OSBPL3: variants seen among roughly 807,000 people sequenced by gnomAD.
OSBPL3 encodes oxysterol binding protein like 3.
A neutral mutation model predicts 120.1 loss-of-function variants in OSBPL3; 65 were observed. The observed-to-expected ratio is 0.54, with a 90% CI of 0.44 to 0.67. OSBPL3 has a LOEUF of 0.67. Among genes scored for constraint, OSBPL3 ranks in the 30% least tolerant of loss-of-function variants. The pLI, the probability that OSBPL3 is intolerant of heterozygous loss-of-function variation, is 0.00. For missense variants in OSBPL3, 1,004 were observed against 1,082.1 expected (o/e 0.93, Z 1.01); for synonymous variants, 416 against 402.6 (o/e 1.03, Z -0.40).
At chr7:24,901,383 G>A (rs1005518095) in intron 1 of OSBPL3, among the ~76,000 whole-genome samples, 2 of 151,056 alleles carry the variant, frequency 1.3e-5, no homozygotes, top group African/African-American at 4.9e-5. Flanking sequence ...GAGTTGGTAA[G>A]ACAGATCTAA....
chr7:24,945,245 AATTC>A (rs1205020089), intron 1 of OSBPL3, among the ~76,000 whole-genome samples: 1 of 152,132 alleles, frequency 6.6e-6, no homozygotes, highest in Non-Finnish European at 1.5e-5. Flanking sequence ...ATCTCCATTT[AATTC>A]ATTCATTCTC....
rs1812006571 is a variant in OSBPL3, at chr7:24,933,247, C to T, written c.-149-40626G>A. On this transcript the variant is annotated intron_variant, in intron 1 of 22. Coordinates refer to ENST00000313367, the MANE Select transcript of OSBPL3 (RefSeq NM_015550.4). This position sits in a 1 kb window ranked among gnomAD's most constrained non-coding sequence, Gnocchi z 5.1. Reference sequence around the variant, plus strand: ...GAGAAAAGATCATGAGTACCACCTGCAAACTCCCAAAAAGGCAGTCAAATA... The same window carrying T: ...GAGAAAAGATCATGAGTACCACCTGTAAACTCCCAAAAAGGCAGTCAAATA... Among the ~76,000 whole-genome samples, 8 of 152,252 alleles carry T rather than the reference C, an allele frequency of 5.3e-5. No homozygotes were observed. The South Asian group carries it at 1.7e-3, about 32-fold the overall frequency.
intron 2 of OSBPL3, among the ~76,000 whole-genome samples, chr7:24,882,475 A>G (rs1410537653): frequency 6.6e-6 from 1 of 152,182 alleles, no homozygotes; most frequent in Non-Finnish European, 1.5e-5. Context: ...ATGTGTGTAT[A>G]TATTTTCGTC....
At chr7:24,943,258 G>A (rs761421593) in intron 1 of OSBPL3, among the ~76,000 whole-genome samples, 1 of 152,094 alleles carries the variant, frequency 6.6e-6, no homozygotes, top group African/African-American at 2.4e-5. Context: ...CCATGCTGAC[G>A]AATCTGACCC....
Position 24,815,037 on chromosome 7 carries a change from C to T in OSBPL3, c.2172+22G>A. On this transcript the variant is annotated intron_variant, in intron 19 of 22. Coordinates refer to ENST00000313367, the MANE Select transcript of OSBPL3 (RefSeq NM_015550.4). The surrounding 1 kb of genome is among the most constrained non-coding windows in gnomAD (Gnocchi z 5.1). ...TGCCACAGCCCTTCCAGGGTCAGAG[C>T]TCAGAGAGTCACTGGAGTTACCTTT... 4 of 1,613,202 alleles carry T rather than the reference C, an allele frequency of 2.5e-6. No individual in the cohort carries two copies. In the South Asian group the frequency reaches 3.3e-5, roughly 13 times the overall value.
At chr7:24,870,415 G>C (rs4722396) in intron 5 of OSBPL3, among the ~76,000 whole-genome samples, 19,152 of 152,234 alleles carry the variant, frequency 0.13, 1,884 homozygotes, top group East Asian at 0.53. Flanking sequence ...ATGGTAAATG[G>C]TTCTTCACTA....
chr7:24,980,956 T>C (rs1424394083), upstream of OSBPL3, among the ~76,000 whole-genome samples: 1 of 151,628 alleles, frequency 6.6e-6, no homozygotes, highest in Non-Finnish European at 1.5e-5. Context: ...CAGCTGATGG[T>C]TTGGGGTCAG....
chr7:24,941,481 C>T (rs1813102546), intron 1 of OSBPL3, among the ~76,000 whole-genome samples: 1 of 152,182 alleles, frequency 6.6e-6, no homozygotes, highest in Admixed American at 6.5e-5. Context: ...GTGTAGTGAG[C>T]TCTCCCCACT....
chr7:24,965,294 G>A lies in OSBPL3; in HGVS notation c.-150+14592C>T, dbSNP rs1182542506. 7.9e-5 allele frequency among the ~76,000 whole-genome samples: 12 copies of A among 152,164 alleles called. No individual in the cohort carries two copies. Among genetic ancestry groups the A allele is most frequent in the Non-Finnish European group, 1.5e-5 (1 of 68,022 alleles). Reference sequence around the variant, plus strand: ...TAAGAAAATCTAGATATAAGTATGAGCTCAACTATTTTTGCCCCTAGGGTA... The same window carrying A: ...TAAGAAAATCTAGATATAAGTATGAACTCAACTATTTTTGCCCCTAGGGTA... On this transcript the variant is annotated intron_variant, in intron 1 of 22. Transcript: ENST00000313367. This position sits in a 1 kb window ranked among gnomAD's most constrained non-coding sequence, Gnocchi z 4.3.
rs1451308537 is a variant in OSBPL3 at position 24,946,342 on chromosome 7, T to C, written c.-150+33544A>G. ...CATAGCGTTATTTTTGCCGTACTTTTATTGGTTGGAGCAGACACAAACCAA... is the reference window on the plus strand; with the variant it reads ...CATAGCGTTATTTTTGCCGTACTTTCATTGGTTGGAGCAGACACAAACCAA... On this transcript the variant is annotated intron_variant, in intron 1 of 22. Transcript: ENST00000313367. This position sits in a 1 kb window ranked among gnomAD's most constrained non-coding sequence, Gnocchi z 4.3. Among the ~76,000 whole-genome samples the C allele has an allele frequency of 2.6e-5, 4 of 152,156 alleles. No individual in the cohort carries two copies. The highest frequency in any genetic ancestry group is 2.1e-4 in the South Asian group (1 of 4,828).
intron 9 of OSBPL3, 137 bp from the exon 10 acceptor site, chr7:24,861,906 G>GA: frequency 1.9e-6 from 1 of 519,426 alleles, no homozygotes; most frequent in Non-Finnish European, 3.2e-6. Flanking sequence ...TTTTTGGGGG[G>GA]GATGGAGTCT....
In OSBPL3 at chr7:24,863,156, A is replaced by G; in HGVS notation, c.870+44T>C. 1.5e-6 allele frequency: 2 copies of G among 1,368,540 alleles called. No individual in the cohort carries two copies. The highest frequency in any genetic ancestry group is 2.1e-6 in the Non-Finnish European group (2 of 955,576). The allele number at this position is 1,368,540 out of a possible 1,614,324, so 84.8% of individuals were successfully genotyped here. On this transcript the variant is annotated intron_variant, in intron 9 of 22. Transcript: ENST00000313367. The surrounding 1 kb of genome is among the most constrained non-coding windows in gnomAD (Gnocchi z 5.8). ...GCTGCTGGCACACGGCATGCAGAGC[A>G]GGGCCAATGAAGAAACCAGTCTGTC...
At chr7:24,840,563 C>G in intron 14 of OSBPL3, 127 bp downstream of exon 14, 1 of 470,540 alleles carries the variant, frequency 2.1e-6, no homozygotes, top group Non-Finnish European at 3.7e-6. Flanking sequence ...AAAAGTTATA[C>G]ATGGATTTTC....
chr7:24,960,632 A>G (rs1410730202), intron 1 of OSBPL3, among the ~76,000 whole-genome samples: 2 of 152,116 alleles, frequency 1.3e-5, no homozygotes, highest in African/African-American at 4.8e-5. Flanking sequence ...TTTTAATTTG[A>G]TCCCAACAAA....
At chr7:24,857,070 G>GAGGTATCA (rs774264844) in intron 10 of OSBPL3, among the ~76,000 whole-genome samples, 7 of 152,134 alleles carry the variant, frequency 4.6e-5, no homozygotes, top group Admixed American at 3.9e-4. Context: ...ATCTATGAAA[G>GAGGTATCA]AGGTATCATT....
At position 24,854,511 on chromosome 7, in the gene OSBPL3, CACACACACACACACACACACACACACAA is replaced by C. The variant is rs1799579455; in HGVS notation, c.1028-1905_1028-1878del. 1.9e-5 allele frequency among the ~76,000 whole-genome samples: 2 copies of C among 105,698 alleles called. No individual in the cohort carries two copies. Among genetic ancestry groups the C allele is most frequent in the Admixed American group, 2.2e-4 (2 of 8,982 alleles). 69.3% of individuals were successfully genotyped at this position (105,698 alleles called of 152,430 possible). On this transcript the variant is annotated intron_variant, in intron 10 of 22. Coordinates refer to ENST00000313367, the MANE Select transcript of OSBPL3 (RefSeq NM_015550.4). The surrounding 1 kb of genome is among the most constrained non-coding windows in gnomAD (Gnocchi z 4.1). ...TTGTACACACACACACGCACACACA[CACACACACACACACACACACACACACAA>C]ACACACACAATGGTGCTGCCTCTGC...
In OSBPL3 at chr7:24,798,392, A is replaced by G. The variant is rs952434504; in HGVS notation, c.*1791T>C. On this transcript the variant is annotated 3_prime_UTR_variant, in exon 23 of 23. Coordinates refer to ENST00000313367, the MANE Select transcript of OSBPL3 (RefSeq NM_015550.4). This position sits in a 1 kb window ranked among gnomAD's most constrained non-coding sequence, Gnocchi z 4.6. ...TTTCCCCTTGAGTGCCCTTAAATCT[A>G]CAGCCTGCTTCCTCATGTCTGTGAG... 4 of 152,206 alleles carry G rather than the reference A, an allele frequency of 2.6e-5. No homozygotes were observed. Among genetic ancestry groups the G allele is most frequent in the Non-Finnish European group, 5.9e-5 (4 of 68,026 alleles). 9.4% of individuals were successfully genotyped at this position (152,206 alleles called of 1,614,324 possible).
At chr7:24,921,018 G>A (rs1321104741) in intron 1 of OSBPL3, among the ~76,000 whole-genome samples, 1 of 152,162 alleles carries the variant, frequency 6.6e-6, no homozygotes, top group African/African-American at 2.4e-5. Context: ...ATCCCAAGAG[G>A]CAGCACCAGC....
In OSBPL3 at chr7:24,913,576, C is replaced by T. The variant is rs905867827; in HGVS notation, c.-149-20955G>A. On this transcript the variant is annotated intron_variant, in intron 1 of 22. Transcript: ENST00000313367. The surrounding 1 kb of genome is among the most constrained non-coding windows in gnomAD (Gnocchi z 5.3). The stretch of plus-strand genomic sequence containing the variant: ...GGTATGTGTCTGATAGTGACAGACA[C>T]ATCACAAAGTGACACTGGGAATCTA... Among the ~76,000 whole-genome samples the T allele has an allele frequency of 6.6e-6, 1 of 152,088 alleles. No homozygotes were observed. Among genetic ancestry groups the T allele is most frequent in the African/African-American group, 2.4e-5 (1 of 41,408 alleles).
Sources: gnomAD v4.1 joint callset for allele counts (sites outside exome capture counted in the v4.1 genomes callset) on GRCh38, gnomAD v4.1.1 for gene constraint, Gnocchi (gnomAD v3.1) non-coding constraint, MANE v1.5 for transcripts, NCBI Gene and HGNC (gene_info 2026-07-23, HGNC 2026-07-21) for gene names.